Variants in PIP4K2B observed in about 807,000 individuals in gnomAD.
The protein encoded by PIP4K2B is phosphatidylinositol-5-phosphate 4-kinase type 2 beta, also known as phosphatidylinositol 5-phosphate 4-kinase type-2 beta.
A neutral mutation model predicts 42.0 loss-of-function variants in PIP4K2B; 3 were observed. The observed-to-expected ratio is 0.07, with a 90% CI of 0.03 to 0.18. The LOEUF (loss-of-function observed/expected upper bound fraction) is 0.18, where lower values mean the gene tolerates loss of function less well. Among genes scored for constraint, PIP4K2B ranks in the 10% least tolerant of loss-of-function variants. The probability of loss-of-function intolerance (pLI) is 1.00; values close to 1 mark genes in which losing one functional copy is unlikely to be tolerated. For missense variants in PIP4K2B, 332 were observed against 562.3 expected (o/e 0.59, Z 4.14); for synonymous variants, 204 against 210.1 (o/e 0.97, Z 0.25).
intron 1 of PIP4K2B, 118 bp from the exon 2 acceptor site, chr17:38,787,038 C>CT (rs925401160): frequency 9.3e-5 from 71 of 762,758 alleles, no homozygotes; most frequent in Admixed American, 3.1e-4. Flanking sequence ...CCCTCTCTGT[C>CT]TTTTTTTGTT....
chr17:38,783,830 A>G (rs1398797281), intron 3 of PIP4K2B, among the ~76,000 whole-genome samples: 2 of 152,136 alleles, frequency 1.3e-5, no homozygotes, highest in African/African-American at 4.8e-5. Context: ...CAAACTCCTG[A>G]CCTCAGGTGA....
chr17:38,791,273 T>C (rs1441616241), intron 1 of PIP4K2B, among the ~76,000 whole-genome samples: 1 of 152,062 alleles, frequency 6.6e-6, no homozygotes, highest in South Asian at 2.1e-4. Flanking sequence ...GCACTTGACA[T>C]TAGGAGAATC....
At chr17:38,775,143 C>T (rs1005258840) in intron 7 of PIP4K2B, among the ~76,000 whole-genome samples, 32 of 152,136 alleles carry the variant, frequency 2.1e-4, no homozygotes, top group Non-Finnish European at 3.7e-4. Flanking sequence ...TTAGTAGAGA[C>T]GGGGTTTCAC....
Position 38,771,122 on chromosome 17 carries a change from A to T in PIP4K2B, c.958T>A (p.Tyr320Asn). ...CCAGGGCTGTCCGGAGGTGTGCCAT[A>T]GGAGCAGAGTAGGTTGCCACCCACC... ...DGVGGNLLCS[Y>N]GTPPDSPGNL... is the part of the protein sequence containing the mutation. The change falls in exon 8 of 10, where the codon TAT (tyrosine) becomes AAT (asparagine). Residue 320 changes from tyrosine to asparagine, a missense_variant. Coordinates refer to ENST00000619039, the MANE Select transcript of PIP4K2B (RefSeq NM_003559.5). 1 of 1,614,160 alleles carries T rather than the reference A, an allele frequency of 6.2e-7. No homozygotes were observed. Among genetic ancestry groups the T allele is most frequent in the Non-Finnish European group, 8.5e-7 (1 of 1,180,020 alleles).
At chr17:38,772,401 C>G (rs1259705676) in intron 7 of PIP4K2B, among the ~76,000 whole-genome samples, 1 of 152,188 alleles carries the variant, frequency 6.6e-6, no homozygotes, top group African/African-American at 2.4e-5. Context: ...TGCAGTATAT[C>G]CACACTGTAT....
At chr17:38,798,027 T>G (rs1043854914) in intron 1 of PIP4K2B, among the ~76,000 whole-genome samples, 1 of 152,048 alleles carries the variant, frequency 6.6e-6, no homozygotes, top group Non-Finnish European at 1.5e-5. Context: ...AAATGACAGG[T>G]CAAGATCTAA....
In PIP4K2B at chr17:38,768,752, A is replaced by C. The variant is rs1259893653; in HGVS notation, c.*939T>G. 6.6e-6 allele frequency: 1 copy of C among 152,332 alleles called. No homozygotes were observed. The highest frequency in any genetic ancestry group is 2.4e-5 in the African/African-American group (1 of 41,456). The allele number at this position is 152,332 out of a possible 1,614,324, so 9.4% of individuals were successfully genotyped here. On this transcript the variant is annotated 3_prime_UTR_variant, in exon 10 of 10. Coordinates refer to ENST00000619039, the MANE Select transcript of PIP4K2B (RefSeq NM_003559.5). ...CCTCATTTGATACATCAGTTTCTGA[A>C]GTTTTCCCAAAGGGAAATAACCATT... is the stretch of plus-strand genomic sequence containing the variant.
rs755361637 is a variant in PIP4K2B, at chr17:38,786,843, C to T, written c.237G>A (p.Val79=). ...DDFKAYSKIK[V]DNHLFNKENL... is the part of the protein sequence containing the mutation. ...CTTACTTATTGAAGAGATGATTGTC[C>T]ACCTTGATCTTGCTGTAGGCTTTGA... Residue 79 remains valine (V), a synonymous_variant, in exon 2 of 10, where the codon GTG becomes GTA. Transcript: ENST00000619039. The T allele has an allele frequency of 1.2e-6, 2 of 1,608,966 alleles. No homozygotes were observed. Among genetic ancestry groups the T allele is most frequent in the Non-Finnish European group, 1.7e-6 (2 of 1,175,398 alleles).
intron 2 of PIP4K2B, among the ~76,000 whole-genome samples, chr17:38,785,288 G>A (rs1366668470): frequency 6.6e-6 from 1 of 152,200 alleles, no homozygotes; most frequent in Non-Finnish European, 1.5e-5. Context: ...AGGCTTTAAG[G>A]AAATCAAAAG....
chr17:38,798,173 A>C (rs1156713836), intron 1 of PIP4K2B, among the ~76,000 whole-genome samples: 2 of 152,194 alleles, frequency 1.3e-5, no homozygotes, highest in Non-Finnish European at 2.9e-5. Context: ...CTCACAAGTG[A>C]ACCTAAAGAA....
intron 7 of PIP4K2B, chr17:38,776,508 C>G (rs926061062): frequency 5.6e-6 from 2 of 360,074 alleles, no homozygotes; most frequent in Non-Finnish European, 1.1e-5. Flanking sequence ...TGCCTATAGT[C>G]CCAGCTACTT....
In PIP4K2B at chr17:38,768,418, A is replaced by G. The variant is rs1329952596; in HGVS notation, c.*1273T>C. 1 of 152,940 alleles carries G rather than the reference A, an allele frequency of 6.5e-6. No homozygotes were observed. Among genetic ancestry groups the G allele is most frequent in the African/African-American group, 2.4e-5 (1 of 41,466 alleles). 9.5% of individuals were successfully genotyped at this position (152,940 alleles called of 1,614,324 possible). A position where few individuals can be genotyped will look rare whatever the true frequency, so the allele number is the denominator to read the frequency against. ...CGGGGCAACAAGGAAAAACAGCCCC[A>G]AGGCTGAGGCCAGGTCAAAACCCAC... is the stretch of plus-strand genomic sequence containing the variant. On this transcript the variant is annotated 3_prime_UTR_variant, in exon 10 of 10. Coordinates refer to ENST00000619039, the MANE Select transcript of PIP4K2B (RefSeq NM_003559.5).
At chr17:38,783,174 G>T (rs1161874708) in intron 3 of PIP4K2B, among the ~76,000 whole-genome samples, 1 of 112,192 alleles carries the variant, frequency 8.9e-6, no homozygotes, top group Non-Finnish European at 1.7e-5. Context: ...CAGCCTGGAT[G>T]ACAGGAGTGA....
intron 2 of PIP4K2B, among the ~76,000 whole-genome samples, chr17:38,785,603 C>A (rs367792367): frequency 6.6e-6 from 1 of 152,118 alleles, no homozygotes; most frequent in African/African-American, 2.4e-5. Context: ...CACTTGAACC[C>A]GGGAGGCAGA....
At chr17:38,778,910 A>G (rs538923834) in intron 5 of PIP4K2B, among the ~76,000 whole-genome samples, 1 of 152,328 alleles carries the variant, frequency 6.6e-6, no homozygotes, top group African/African-American at 2.4e-5. Flanking sequence ...GAGCACAGGC[A>G]CTGCAGGAAC....
chr17:38,792,467 G>T (rs948248168), intron 1 of PIP4K2B, among the ~76,000 whole-genome samples: 1 of 152,154 alleles, frequency 6.6e-6, no homozygotes, highest in Non-Finnish European at 1.5e-5. Context: ...TTAAAAAAAA[G>T]AAGAAAATTC....
chr17:38,783,574 C>T (rs1389013455), intron 3 of PIP4K2B, among the ~76,000 whole-genome samples: 4 of 152,046 alleles, frequency 2.6e-5, no homozygotes, highest in African/African-American at 9.7e-5. Context: ...TTTAAGAGGC[C>T]TCATCTCTCG....
intron 7 of PIP4K2B, chr17:38,775,978 T>TC (rs1909317457): frequency 4.5e-6 from 2 of 448,136 alleles, no homozygotes; most frequent in South Asian, 3.2e-5. Flanking sequence ...GCTGTTTGCT[T>TC]CCTTTTTTTT....
At position 38,799,276 on chromosome 17, in the gene PIP4K2B, AC is replaced by A; in HGVS notation, c.148del (p.Val50Ter). On this transcript the variant is annotated frameshift_variant, in exon 1 of 10. Coordinates refer to ENST00000619039, the MANE Select transcript of PIP4K2B (RefSeq NM_003559.5). LOFTEE classifies it high-confidence loss of function. This position sits in a 1 kb window ranked among gnomAD's most constrained non-coding sequence, Gnocchi z 4.4. Reference sequence around the variant, plus strand: ...GCAGGAGCTGGTTACCGTGTGGTTCACCCCCCACATCAGGACGCTGAGGATC... The same window carrying A: ...GCAGGAGCTGGTTACCGTGTGGTTCACCCCCACATCAGGACGCTGAGGATC... Reference protein sequence around the residue: ...EPILSVLMWGVNHTINELSNV... With the variant: ...EPILSVLMWGXNHTINELSNV... The A allele has an allele frequency of 5.0e-6, 8 of 1,599,776 alleles. No homozygotes were observed. Among genetic ancestry groups the A allele is most frequent in the Admixed American group, 1.7e-5 (1 of 58,682 alleles).
Sources: gnomAD v4.1 joint callset for allele counts (sites outside exome capture counted in the v4.1 genomes callset) on GRCh38, gnomAD v4.1.1 for gene constraint, Gnocchi (gnomAD v3.1) non-coding constraint, MANE v1.5 for transcripts, NCBI Gene and HGNC (gene_info 2026-07-23, HGNC 2026-07-21) for gene names.